Variants in CD40LG observed in about 807,000 individuals in gnomAD.
CD40LG encodes CD40 ligand.
CD40LG carries 1 observed loss-of-function variant against 17.2 expected under a neutral mutation model. The ratio of observed to expected loss-of-function variants is 0.06; its 90% CI spans 0.02 to 0.28. CD40LG has a LOEUF of 0.28. Among genes scored for constraint, CD40LG ranks in the 10% least tolerant of loss-of-function variants. The pLI, the probability that CD40LG is intolerant of heterozygous loss-of-function variation, is 1.00. For missense variants in CD40LG, 133 were observed against 193.2 expected, an observed-to-expected ratio of 0.69 and a Z score of 1.85; for synonymous variants, 66 against 74.4, an observed-to-expected ratio of 0.89 and a Z score of 0.58.
chrX:136,648,974 T>C (rs1890868038), intron 1 of CD40LG, among the ~76,000 whole-genome samples: 1 of 112,375 alleles, frequency 8.9e-6, no homozygotes, highest in Non-Finnish European at 1.9e-5. Flanking sequence ...GTGTAATTCT[T>C]CACAAGCACT....
chrX:136,655,791 C>T (rs2076117501), intron 3 of CD40LG, among the ~76,000 whole-genome samples: 1 of 112,141 alleles, frequency 8.9e-6, no homozygotes, highest in Admixed American at 9.4e-5. Flanking sequence ...TTAGGTCATG[C>T]AATTTAACTC....
intron 4 of CD40LG, among the ~76,000 whole-genome samples, chrX:136,656,864 TA>T (rs1847816287): frequency 8.9e-6 from 1 of 111,965 alleles, no homozygotes; most frequent in African/African-American, 3.2e-5. Flanking sequence ...TCAGGGAAAG[TA>T]AAGGTAAAAT....
At chrX:136,654,316 A>C in intron 2 of CD40LG, 57 bp from the exon 3 acceptor site, 3 of 858,079 alleles carry the variant, frequency 3.5e-6, no homozygotes, top group Middle Eastern at 2.9e-4. Context: ...TGATAATTTT[A>C]AAACCCCACA....
intron 4 of CD40LG, among the ~76,000 whole-genome samples, chrX:136,657,325 G>C (rs2076122089): frequency 9.0e-6 from 1 of 111,668 alleles, no homozygotes; most frequent in African/African-American, 3.3e-5. Context: ...CATTATCATG[G>C]ATCATGGTAC....
At chrX:136,653,483 G>A (rs2076110136) in intron 2 of CD40LG, among the ~76,000 whole-genome samples, 1 of 112,777 alleles carries the variant, frequency 8.9e-6, no homozygotes, top group African/African-American at 3.2e-5. Flanking sequence ...AGGATAGACA[G>A]ATGGAATTAG....
chrX:136,648,280 G>A lies in CD40LG; in HGVS notation c.32G>A (p.Arg11Gln), dbSNP rs145115086. ...GAAACATACAACCAAACTTCTCCCCGATCTGCGGCCACTGGACTGCCCATC... is the reference window on the plus strand; with the variant it reads ...GAAACATACAACCAAACTTCTCCCCAATCTGCGGCCACTGGACTGCCCATC... MIETYNQTSP[R>Q]SAATGLPISM... Residue 11 changes from arginine to glutamine, a missense_variant, in exon 1 of 5, where the codon CGA (arginine) becomes CAA (glutamine). Physicochemically the swap from Arg to Gln is conservative, Grantham distance 43. Transcript: ENST00000370629. 319 of 1,201,660 alleles carry A rather than the reference G, an allele frequency of 2.7e-4. No individual in the cohort carries two copies. The highest frequency in any genetic ancestry group is 4.4e-4 in the East Asian group (15 of 33,724).
chrX:136,655,209 T>C (rs1235660003), intron 3 of CD40LG, among the ~76,000 whole-genome samples: 2 of 111,630 alleles, frequency 1.8e-5, no homozygotes, highest in African/African-American at 6.5e-5. Flanking sequence ...CCAGCAGCTG[T>C]CCAGATATGG....
chrX:136,648,235 A>G lies in CD40LG; in HGVS notation c.-14A>G. ...CTTCTCTGCCAGAAGATACCATTTC[A>G]ACTTTAACACAGCATGATCGAAACA... On this transcript the variant is annotated 5_prime_UTR_variant, in exon 1 of 5. Coordinates refer to ENST00000370629, the MANE Select transcript of CD40LG (RefSeq NM_000074.3). 1.7e-6 allele frequency: 2 copies of G among 1,195,144 alleles called. No homozygotes were observed. The highest frequency in any genetic ancestry group is 1.7e-5 in the African/African-American group (1 of 57,190).
chrX:136,657,681 C>T (rs1192703798), intron 4 of CD40LG, among the ~76,000 whole-genome samples: 1 of 111,984 alleles, frequency 8.9e-6, no homozygotes, highest in Non-Finnish European at 1.9e-5. Context: ...ACAGAGAAAT[C>T]TCCTAGAAGA....
rs764007305 is a variant in CD40LG at position 136,648,422 on chromosome X, C to G, written c.156+18C>G. Reference sequence around the variant, plus strand: ...TGGACAAGGTAAGATGAACCACAAGCCTTTATTAACTAAATTTGGGGTCCT... The same window carrying G: ...TGGACAAGGTAAGATGAACCACAAGGCTTTATTAACTAAATTTGGGGTCCT... On this transcript the variant is annotated intron_variant, in intron 1 of 4. Coordinates refer to ENST00000370629, the MANE Select transcript of CD40LG (RefSeq NM_000074.3). 1 of 1,197,529 alleles carries G rather than the reference C, an allele frequency of 8.4e-7. No homozygotes were observed.
At chrX:136,650,221 C>T (rs750178430) in intron 1 of CD40LG, 45 bp from the exon 2 acceptor site, 3 of 1,041,646 alleles carry the variant, frequency 2.9e-6, no homozygotes, top group Non-Finnish European at 4.0e-6. Context: ...TAGCTGTATT[C>T]TCCTTCCGAA....
intron 2 of CD40LG, among the ~76,000 whole-genome samples, chrX:136,653,287 G>A (rs1316567481): frequency 8.9e-6 from 1 of 112,255 alleles, no homozygotes; most frequent in Admixed American, 9.4e-5. Context: ...TATGAACTAC[G>A]CCCTTAAATC....
At chrX:136,650,209 A>G (rs944256245) in intron 1 of CD40LG, 57 bp from the exon 2 acceptor site, 9 of 911,864 alleles carry the variant, frequency 9.9e-6, no homozygotes, top group Non-Finnish European at 9.6e-6. Flanking sequence ...GGCAGATATC[A>G]TTAGCTGTAT....
chrX:136,652,575 C>G (rs2076107093), intron 2 of CD40LG, among the ~76,000 whole-genome samples: 1 of 111,247 alleles, frequency 9.0e-6, no homozygotes, highest in South Asian at 3.8e-4. Flanking sequence ...AAGTGGTCAT[C>G]CAATCTCTGT....
At position 136,655,356 on chromosome X, in the gene CD40LG, C is replaced by T. The variant is rs1031365560; in HGVS notation, c.346+926C>T. Among the ~76,000 whole-genome samples the T allele has an allele frequency of 3.6e-5, 4 of 111,924 alleles. No individual in the cohort carries two copies. In the South Asian group the frequency reaches 1.1e-3, roughly 31 times the overall value. On this transcript the variant is annotated intron_variant, in intron 3 of 4. Transcript: ENST00000370629. ...GCCACTCACCTCCTTTTCTTGGACA[C>T]ACTAACGTTTTCCTGTTCTTTTAGA... is the stretch of plus-strand genomic sequence containing the variant.
At chrX:136,657,632 G>T (rs2076122893) in intron 4 of CD40LG, among the ~76,000 whole-genome samples, 1 of 111,817 alleles carries the variant, frequency 8.9e-6, no homozygotes, top group Non-Finnish European at 1.9e-5. Flanking sequence ...TAATAATTTT[G>T]TCAAGTACCC....
At chrX:136,649,839 C>G (rs755379627) in intron 1 of CD40LG, among the ~76,000 whole-genome samples, 32 of 112,445 alleles carry the variant, frequency 2.8e-4, no homozygotes, top group Non-Finnish European at 1.9e-5. Flanking sequence ...AAATTAACTT[C>G]TTTTTATAAA....
chrX:136,658,902 C>T (rs902303537), intron 4 of CD40LG, 137 bp from the exon 5 acceptor site: 2 of 665,100 alleles, frequency 3.0e-6, no homozygotes, highest in Non-Finnish European at 4.8e-6. Context: ...CTCTGTCTGA[C>T]TCTGAAGCCC....
intron 1 of CD40LG, among the ~76,000 whole-genome samples, chrX:136,650,028 A>G (rs1408199837): frequency 8.9e-6 from 1 of 112,690 alleles, no homozygotes; most frequent in Non-Finnish European, 1.9e-5. Flanking sequence ...ATTTAGTAGA[A>G]TAGCTCTGAT....
Sources: allele counts gnomAD v4.1 joint callset (sites outside exome capture counted in the v4.1 genomes callset), GRCh38; gene constraint gnomAD v4.1.1; transcripts MANE v1.5; gene names NCBI Gene and HGNC (gene_info 2026-07-23, HGNC 2026-07-21).